The following IFI27L1 variants were observed in gnomAD, a reference collection of about 807,000 sequenced individuals.
IFI27L1 encodes the protein interferon alpha-inducible protein 27-like protein 1.
In IFI27L1, 3 loss-of-function variants were observed where a neutral mutation model predicts 9.2. The ratio of observed to expected loss-of-function variants is 0.32; its 90% confidence interval spans 0.15 to 0.84. The LOEUF is 0.84. Among genes scored for constraint, IFI27L1 ranks in the 40% least tolerant of loss-of-function variants. IFI27L1 has a pLI of 0.56. For synonymous variants in IFI27L1, 53 were observed against 50.0 expected, an observed-to-expected ratio of 1.06 and a Z score of -0.26; for missense variants, 133 against 134.2, an observed-to-expected ratio of 0.99 and a Z score of 0.05.
rs570002348 is a variant in IFI27L1, at chr14:94,084,333, C to A, written c.-52+2884C>A. On this transcript the variant is annotated intron_variant, in intron 1 of 4. Coordinates refer to ENST00000555523, the MANE Select transcript of IFI27L1 (RefSeq NM_206949.3). ...CCCAGGCGACATGGTGAAACCCCGTCTCTACAAAAAATGCAAAAATTAACC... is the reference window on the plus strand; with the variant it reads ...CCCAGGCGACATGGTGAAACCCCGTATCTACAAAAAATGCAAAAATTAACC... Among the ~76,000 whole-genome samples the A allele has an allele frequency of 1.4e-4, 21 of 152,242 alleles. No individual in the cohort carries two copies. The South Asian group carries it at 3.7e-3, about 27-fold the overall frequency.
At chr14:94,087,190 G>A (rs142661984) in intron 1 of IFI27L1, among the ~76,000 whole-genome samples, 310 of 152,276 alleles carry the variant, frequency 2.0e-3, no homozygotes, top group African/African-American at 7.0e-3. Context: ...AACATGTTTG[G>A]CTATAAGGAT....
chr14:94,094,311 A>G (rs756387745), intron 1 of IFI27L1, among the ~76,000 whole-genome samples: 1 of 152,122 alleles, frequency 6.6e-6, no homozygotes, highest in Non-Finnish European at 1.5e-5. Context: ...ATCATGGGAC[A>G]TTGGGAGCTT....
In IFI27L1 at chr14:94,100,707, TTTG is replaced by T. The variant is rs547225458; in HGVS notation, c.29-14_29-12del. 3.2e-4 allele frequency: 506 copies of T among 1,587,238 alleles called. 2 individuals are homozygous for T. The highest frequency in any genetic ancestry group is 2.8e-3 in the African/African-American group (206 of 74,400). The stretch of plus-strand genomic sequence containing the variant: ...ACTCCCATAGGTTTGTGTTTGTTTG[TTTG>T]TTGTTGTTGTTGTTGTTTTTGTCTC... On this transcript the variant is annotated intron_variant, in intron 2 of 4. Transcript: ENST00000555523.
At chr14:94,081,607 A>G (rs1238107080) in intron 1 of IFI27L1, among the ~76,000 whole-genome samples, 158 bp downstream of exon 1, 1 of 152,208 alleles carries the variant, frequency 6.6e-6, no homozygotes, top group Non-Finnish European at 1.5e-5. Context: ...CTCCGTAGAC[A>G]GAGTAGGGCG....
chr14:94,102,070 C>T, intron 4 of IFI27L1, 95 bp downstream of exon 4: 1 of 1,327,974 alleles, frequency 7.5e-7, no homozygotes, highest in Non-Finnish European at 1.1e-6. Context: ...GTCCGTGATC[C>T]TCTGCCTCTT....
intron 3 of IFI27L1, chr14:94,100,992 G>A (rs1886873706): frequency 3.3e-6 from 2 of 614,870 alleles, no homozygotes; most frequent in South Asian, 3.9e-5. Context: ...GCTACTCTCA[G>A]CTTCCACCAA....
At chr14:94,102,056 G>A in intron 4 of IFI27L1, 81 bp downstream of exon 4, 1 of 1,442,612 alleles carries the variant, frequency 6.9e-7, no homozygotes, top group Non-Finnish European at 9.7e-7. Flanking sequence ...TCCTCTCCCT[G>A]CAGGTCCGTG....
intron 1 of IFI27L1, among the ~76,000 whole-genome samples, chr14:94,085,873 T>A (rs1886262980): frequency 6.6e-6 from 1 of 152,252 alleles, no homozygotes; most frequent in Non-Finnish European, 1.5e-5. Context: ...GGCAACTATT[T>A]CTTAAATGGG....
chr14:94,099,725 G>A (rs1276075151), intron 2 of IFI27L1, among the ~76,000 whole-genome samples: 1 of 152,132 alleles, frequency 6.6e-6, no homozygotes, highest in African/African-American at 2.4e-5. Flanking sequence ...AAATCCCAGG[G>A]TGACTGAAGA....
chr14:94,090,000 C>T (rs572344588), intron 1 of IFI27L1, among the ~76,000 whole-genome samples: 2 of 152,312 alleles, frequency 1.3e-5, no homozygotes, highest in African/African-American at 4.8e-5. Flanking sequence ...GCTCATCCTA[C>T]ATTTCTATAC....
chr14:94,092,993 A>C (rs1187729837), intron 1 of IFI27L1, among the ~76,000 whole-genome samples: 2 of 150,150 alleles, frequency 1.3e-5, no homozygotes, highest in Non-Finnish European at 1.5e-5. Flanking sequence ...CACCATGCCC[A>C]GCTAACTTTT....
intron 1 of IFI27L1, among the ~76,000 whole-genome samples, chr14:94,082,759 G>A (rs907567557): frequency 6.6e-6 from 1 of 152,204 alleles, no homozygotes; most frequent in Non-Finnish European, 1.5e-5. Context: ...GAGGCCTACT[G>A]CTCAGAAAAA....
chr14:94,087,919 T>G (rs1372915082), intron 1 of IFI27L1, among the ~76,000 whole-genome samples: 1 of 152,152 alleles, frequency 6.6e-6, no homozygotes, highest in Admixed American at 6.5e-5. Flanking sequence ...TCAAATAAAG[T>G]ATGGGTTAGA....
chr14:94,100,140 C>A, intron 2 of IFI27L1: 1 of 295,216 alleles, frequency 3.4e-6, no homozygotes, highest in Non-Finnish European at 5.0e-6. Flanking sequence ...GAAATGTCAT[C>A]TGAGTAGGGA....
intron 1 of IFI27L1, among the ~76,000 whole-genome samples, chr14:94,093,190 G>A (rs1444965664): frequency 2.7e-5 from 3 of 112,722 alleles, no homozygotes; most frequent in African/African-American, 1.1e-4. Flanking sequence ...TTTTTGAGAT[G>A]GAGTCTTGCT....
rs192539842 is a variant in IFI27L1 at position 94,088,783 on chromosome 14, C to T, written c.-52+7334C>T. Among the ~76,000 whole-genome samples, 129 of 152,232 alleles carry T rather than the reference C, an allele frequency of 8.5e-4. 1 individual carries two copies. In the Middle Eastern group the frequency reaches 0.017, roughly 20 times the overall value. The stretch of plus-strand genomic sequence containing the variant: ...TCTTTTTAAGTGTCTATTAGTCATG[C>T]GTAATTCTGTCTTGGGGAGCTGTCT... On this transcript the variant is annotated intron_variant, in intron 1 of 4. Transcript: ENST00000555523.
At chr14:94,089,328 AT>A (rs1886390788) in intron 1 of IFI27L1, 1 of 152,198 alleles carries the variant, frequency 6.6e-6, no homozygotes. Context: ...TGGATTATTA[AT>A]GAGTTTTTGA....
intron 1 of IFI27L1, among the ~76,000 whole-genome samples, chr14:94,093,726 A>G (rs1482116356): frequency 6.6e-6 from 1 of 151,672 alleles, no homozygotes; most frequent in Non-Finnish European, 1.5e-5. Flanking sequence ...TTTGGTGACA[A>G]ATAGGGAGTT....
chr14:94,102,581 G>A lies in IFI27L1; in HGVS notation c.*13G>A. On this transcript the variant is annotated 3_prime_UTR_variant, in exon 5 of 5. Transcript: ENST00000555523. ...CCCTTCCAGCTGAACACCACACTGAGGCAGGGAGTTGGCTCTCTTGGTGGA... is the reference window on the plus strand; with the variant it reads ...CCCTTCCAGCTGAACACCACACTGAAGCAGGGAGTTGGCTCTCTTGGTGGA... 1.3e-6 allele frequency: 2 copies of A among 1,486,548 alleles called. No individual in the cohort carries two copies. The highest frequency in any genetic ancestry group is 1.8e-4 in the Middle Eastern group (1 of 5,570). 92.1% of individuals were successfully genotyped at this position (1,486,548 alleles called of 1,614,324 possible).
Sources: gnomAD v4.1 joint callset for allele counts (sites outside exome capture counted in the v4.1 genomes callset) on GRCh38, gnomAD v4.1.1 for gene constraint, MANE v1.5 for transcripts, NCBI Gene and HGNC (gene_info 2026-07-23, HGNC 2026-07-21) for gene names.